Variants in ABAT observed in about 807,000 individuals in gnomAD.
ABAT encodes 4-aminobutyrate aminotransferase, mitochondrial.
In ABAT, 45 loss-of-function variants were observed where a neutral mutation model predicts 64.6. The observed-to-expected ratio is 0.70, with a 90% CI of 0.55 to 0.89. ABAT has a LOEUF of 0.89. Ranked by LOEUF, ABAT falls within the 40% of genes least tolerant of loss-of-function variation. ABAT has a pLI of 0.00. For missense variants in ABAT, 633 were observed against 658.4 expected, an observed-to-expected ratio of 0.96 and a Z score of 0.42; for synonymous variants, 297 against 250.5, an observed-to-expected ratio of 1.19 and a Z score of -1.75.
intron 2 of ABAT, among the ~76,000 whole-genome samples, chr16:8,743,444 T>TATATATATATATATATAAAC (rs368568293): frequency 8.5e-6 from 1 of 117,702 alleles, no homozygotes; most frequent in Non-Finnish European, 1.6e-5. Flanking sequence ...TATATATATA[T>TATATATATATATATATAAAC]ACACACATTT....
At chr16:8,775,121 C>G (rs2060228258) in intron 13 of ABAT, 64 bp downstream of exon 13, 2 of 1,607,832 alleles carry the variant, frequency 1.2e-6, no homozygotes, top group Non-Finnish European at 8.5e-7. Flanking sequence ...CTTCTCCTAA[C>G]TGTTCCTTTC....
chr16:8,715,953 G>C, intron 1 of ABAT, among the ~76,000 whole-genome samples: 1 of 152,112 alleles, frequency 6.6e-6, no homozygotes, highest in East Asian at 1.9e-4. Context: ...ATAATAGAGT[G>C]GGCACGAGTG....
chr16:8,681,209 T>G (rs2057325347), intron 1 of ABAT, among the ~76,000 whole-genome samples: 2 of 152,134 alleles, frequency 1.3e-5, no homozygotes, highest in African/African-American at 4.8e-5. Flanking sequence ...CAGGCTGGTT[T>G]TGAACTCCTA....
rs371380473 is a variant in ABAT, at chr16:8,783,697, T to C, written c.*2267T>C. The C allele has an allele frequency of 5.3e-5, 8 of 152,318 alleles. No individual in the cohort carries two copies. In the South Asian group the frequency reaches 1.2e-3, roughly 24 times the overall value. The allele number at this position is 152,318 out of a possible 1,614,324, so 9.4% of individuals were successfully genotyped here. A position where few individuals can be genotyped will look rare whatever the true frequency, so the allele number is the denominator to read the frequency against. On this transcript the variant is annotated 3_prime_UTR_variant, in exon 16 of 16. Transcript: ENST00000268251. The stretch of plus-strand genomic sequence containing the variant: ...TAAGTATGCTTTCTCCTGAAAACTT[T>C]AGCATTGGGTGCAAATATTCAGTAT...
chr16:8,675,466 C>T (rs1685292187), intron 1 of ABAT, among the ~76,000 whole-genome samples: 1 of 152,124 alleles, frequency 6.6e-6, no homozygotes, highest in Non-Finnish European at 1.5e-5. Context: ...AGCCCTTTCA[C>T]ACAAACCCCA....
chr16:8,784,450 A>G lies in ABAT; in HGVS notation c.*3020A>G, dbSNP rs886052448. 1 of 151,716 alleles carries G rather than the reference A, an allele frequency of 6.6e-6. No individual in the cohort carries two copies. The highest frequency in any genetic ancestry group is 1.9e-4 in the East Asian group (1 of 5,202). The allele number at this position is 151,716 out of a possible 1,614,324, so 9.4% of individuals were successfully genotyped here. On this transcript the variant is annotated 3_prime_UTR_variant, in exon 16 of 16. Coordinates refer to ENST00000268251, the MANE Select transcript of ABAT (RefSeq NM_020686.6). Reference sequence around the variant, plus strand: ...TCACAAGTAATCTGTTGACAGTGCCAATAAATGATAAAAAAAAAATTAACA... The same window carrying G: ...TCACAAGTAATCTGTTGACAGTGCCGATAAATGATAAAAAAAAAATTAACA...
chr16:8,762,977 C>T (rs2059839418), intron 6 of ABAT, among the ~76,000 whole-genome samples: 1 of 151,794 alleles, frequency 6.6e-6, no homozygotes, highest in African/African-American at 2.4e-5. Context: ...GGTGCGGTGG[C>T]ATGTGCCTGT....
chr16:8,700,634 C>T (rs2057800450), intron 1 of ABAT, among the ~76,000 whole-genome samples: 1 of 152,116 alleles, frequency 6.6e-6, no homozygotes, highest in Non-Finnish European at 1.5e-5. Flanking sequence ...GACTTGCTGT[C>T]ACCCAGGCTG....
chr16:8,739,347 G>A (rs1262396741), intron 2 of ABAT, among the ~76,000 whole-genome samples: 1 of 152,172 alleles, frequency 6.6e-6, no homozygotes, highest in African/African-American at 2.4e-5. Context: ...CCTTATCCAA[G>A]CCTCGGTTTT....
At chr16:8,727,150 C>T (rs1407678699) in intron 1 of ABAT, among the ~76,000 whole-genome samples, 3 of 152,036 alleles carry the variant, frequency 2.0e-5, no homozygotes, top group Non-Finnish European at 2.9e-5. Context: ...GTTGCCTCTT[C>T]GCTTTGTTGG....
At chr16:8,707,416 G>A (rs1351066374) in intron 1 of ABAT, among the ~76,000 whole-genome samples, 1 of 146,652 alleles carries the variant, frequency 6.8e-6, no homozygotes, top group Non-Finnish European at 1.5e-5. Context: ...CCAGCTCCTG[G>A]GCCCAGGCAA....
At chr16:8,773,052 A>T (rs1420799656) in intron 12 of ABAT, 135 bp downstream of exon 12, 2 of 962,976 alleles carry the variant, frequency 2.1e-6, no homozygotes, top group African/African-American at 3.0e-5. Flanking sequence ...TGTCAGCATC[A>T]GGGGTGGAGA....
intron 14 of ABAT, among the ~76,000 whole-genome samples, chr16:8,777,877 C>T (rs969292584): frequency 1.3e-5 from 2 of 152,144 alleles, no homozygotes; most frequent in African/African-American, 4.8e-5. Context: ...CTTAGGGAGG[C>T]AGAAGCAGGA....
In ABAT at chr16:8,697,906, G is replaced by A. The variant is rs1216414813; in HGVS notation, c.-42+23195G>A. 2.6e-5 allele frequency among the ~76,000 whole-genome samples: 4 copies of A among 152,158 alleles called. No homozygotes were observed. In the South Asian group the frequency reaches 6.2e-4, roughly 24 times the overall value. ...CCTGCGTCAGCCTCCCAAAGTGCTGGGATCACAGGCGTGAGCCACCGCACC... is the reference window on the plus strand; with the variant it reads ...CCTGCGTCAGCCTCCCAAAGTGCTGAGATCACAGGCGTGAGCCACCGCACC... On this transcript the variant is annotated intron_variant, in intron 1 of 15. Coordinates refer to ENST00000268251, the MANE Select transcript of ABAT (RefSeq NM_020686.6).
intron 5 of ABAT, among the ~76,000 whole-genome samples, chr16:8,754,732 TC>T (rs1220366620): frequency 2.7e-5 from 4 of 150,376 alleles, no homozygotes; most frequent in African/African-American, 9.8e-5. Context: ...CTTTTTTTTT[TC>T]TTGAAAACGG....
At chr16:8,718,119 TC>T (rs2058264188) in intron 1 of ABAT, among the ~76,000 whole-genome samples, 1 of 152,120 alleles carries the variant, frequency 6.6e-6, no homozygotes, top group Admixed American at 6.6e-5. Flanking sequence ...TCATCCTCAG[TC>T]TCATAGCGCT....
At chr16:8,695,406 C>T (rs1163655129) in intron 1 of ABAT, among the ~76,000 whole-genome samples, 1 of 152,202 alleles carries the variant, frequency 6.6e-6, no homozygotes, top group Admixed American at 6.5e-5. Flanking sequence ...GTTTCTCCAC[C>T]TCTGCAGAAT....
chr16:8,683,958 GAGAGAC>G (rs1273702879), intron 1 of ABAT, among the ~76,000 whole-genome samples: 3 of 96,586 alleles, frequency 3.1e-5, no homozygotes, highest in Non-Finnish European at 7.2e-5. Flanking sequence ...GTGTGTGTGA[GAGAGAC>G]AGAGAGAGAG....
chr16:8,732,485 C>G (rs2142335993), intron 1 of ABAT, among the ~76,000 whole-genome samples: 1 of 151,266 alleles, frequency 6.6e-6, no homozygotes, highest in South Asian at 2.1e-4. Context: ...CGCCCTTAAT[C>G]CATTTAACCC....
Sources: allele counts gnomAD v4.1 joint callset (sites outside exome capture counted in the v4.1 genomes callset), GRCh38; gene constraint gnomAD v4.1.1; transcripts MANE v1.5; gene names NCBI Gene and HGNC (gene_info 2026-07-23, HGNC 2026-07-21).